Variants in ZIC4 observed in about 807,000 individuals in gnomAD.
ZIC4 encodes zinc finger protein ZIC 4.
Under a neutral mutation model 28.8 loss-of-function variants are expected in ZIC4, and 15 were observed. The observed-to-expected ratio is 0.52, with a 90% confidence interval of 0.35 to 0.80. The LOEUF is 0.80. ZIC4 is among the 30% of genes least tolerant of loss of function. The pLI is 0.01. For synonymous variants in ZIC4, 220 were observed against 198.1 expected (o/e 1.11, Z -0.93); for missense variants, 512 against 467.1 (o/e 1.10, Z -0.89).
chr3:147,404,910 G>C (rs1435156568), intron 1 of ZIC4, among the ~76,000 whole-genome samples: 1 of 152,208 alleles, frequency 6.6e-6, no homozygotes, highest in Non-Finnish European at 1.5e-5. Flanking sequence ...CGGCAGGCGC[G>C]GGAAAGGCAT....
At position 147,396,281 on chromosome 3, in the gene ZIC4, C is replaced by A; in HGVS notation, c.259G>T (p.Asp87Tyr). ...AGGGCTGCGGCAGCTGCCAGGGCGT[C>A]GCTGCGGGCCGCAGGCCCTGGCGGG... is the stretch of plus-strand genomic sequence containing the variant. ...PFPPGPAARS[D>Y]ALAAAAALHG... Residue 87 changes from aspartate to tyrosine, a missense_variant, in exon 3 of 5, where the codon GAC becomes TAC. By Grantham distance (160) the Asp-to-Tyr change is radical. Coordinates refer to ENST00000383075, the MANE Select transcript of ZIC4 (RefSeq NM_032153.6). The surrounding 1 kb of genome is among the most constrained non-coding windows in gnomAD (Gnocchi z 4.2). The A allele has an allele frequency of 6.2e-7, 1 of 1,608,994 alleles. No individual in the cohort carries two copies.
intron 1 of ZIC4, chr3:147,405,717 T>A (rs902190719): frequency 3.6e-6 from 2 of 555,910 alleles, no homozygotes; most frequent in Admixed American, 6.2e-5. Flanking sequence ...AGCAGTCAGC[T>A]TCCTGAGGCA....
intron 2 of ZIC4, among the ~76,000 whole-genome samples, chr3:147,398,424 AG>A (rs2087096290): frequency 7.4e-6 from 1 of 135,726 alleles, no homozygotes; most frequent in Non-Finnish European, 1.5e-5. Flanking sequence ...TTCCAGTGCT[AG>A]GGGGGCCACT....
intron 3 of ZIC4, among the ~76,000 whole-genome samples, chr3:147,395,366 A>T (rs1026826333): frequency 1.3e-5 from 2 of 152,108 alleles, no homozygotes; most frequent in African/African-American, 4.8e-5. Context: ...AAATACGTAC[A>T]AAGTTAGCCC....
chr3:147,393,580 C>G (rs993283256), intron 3 of ZIC4: 1 of 277,756 alleles, frequency 3.6e-6, no homozygotes, highest in East Asian at 1.2e-4. Flanking sequence ...GGCCTCCTCT[C>G]CGACCCTGAG....
At position 147,395,926 on chromosome 3, in the gene ZIC4, G is replaced by A; in HGVS notation, c.614C>T (p.Pro205Leu). ...IRVHTGEKPFPCPFPGCGKVF... is the reference protein window; with the variant it reads ...IRVHTGEKPFLCPFPGCGKVF... ...CTTCCCACACCCCGGGAAAGGACAA[G>A]GGAAGGGCTTCTCGCCCGTGTGCAC... The change falls in exon 3 of 5, where the codon CCT becomes CTT. Residue 205 changes from proline (P) to leucine (L), a missense_variant. Transcript: ENST00000383075. The A allele has an allele frequency of 6.2e-7, 1 of 1,614,250 alleles. No individual in the cohort carries two copies. Among genetic ancestry groups the A allele is most frequent in the East Asian group, 2.2e-5 (1 of 44,874 alleles).
chr3:147,404,043 G>A, intron 1 of ZIC4: 1 of 1,537,168 alleles, frequency 6.5e-7, no homozygotes, highest in East Asian at 2.4e-5. Context: ...GCTCCTTCCA[G>A]CACAAATCAG....
chr3:147,405,573 G>T, intron 1 of ZIC4: 1 of 1,241,718 alleles, frequency 8.1e-7, no homozygotes, highest in Non-Finnish European at 1.1e-6. Context: ...ATGCCCCTGG[G>T]TCTAGGCTAG....
chr3:147,404,107 T>C (rs1431959380), intron 1 of ZIC4: 2 of 1,535,702 alleles, frequency 1.3e-6, no homozygotes, highest in Non-Finnish European at 1.7e-6. Flanking sequence ...ATGCTGGGCG[T>C]CCTCGCTCTG....
chr3:147,405,799 G>A, intron 1 of ZIC4: 8 of 402,156 alleles, frequency 2.0e-5, no homozygotes, highest in South Asian at 5.2e-5. Flanking sequence ...AGGTTGGGGC[G>A]GAGAAGTTCC....
intron 4 of ZIC4, among the ~76,000 whole-genome samples, chr3:147,389,606 T>A (rs539253425): frequency 6.6e-6 from 1 of 152,118 alleles, no homozygotes; most frequent in African/African-American, 2.4e-5. Flanking sequence ...AAGGACCTGA[T>A]TTTTTTCCCT....
At position 147,399,102 on chromosome 3, in the gene ZIC4, A is replaced by T. The variant is rs1576462067; in HGVS notation, c.71-2633T>A. 3.9e-5 allele frequency among the ~76,000 whole-genome samples: 6 copies of T among 152,106 alleles called. No individual in the cohort carries two copies. In the East Asian group the frequency reaches 1.2e-3, roughly 29 times the overall value. ...ACTCCTCAGTATTTAAAAAAAAAAA[A>T]TTAGAGAAGAGTATTTGACTGCCAG... On this transcript the variant is annotated intron_variant, in intron 2 of 4. Coordinates refer to ENST00000383075, the MANE Select transcript of ZIC4 (RefSeq NM_032153.6).
At chr3:147,403,027 T>C (rs755567223) in intron 1 of ZIC4, among the ~76,000 whole-genome samples, 2 of 152,192 alleles carry the variant, frequency 1.3e-5, no homozygotes, top group Non-Finnish European at 2.9e-5. Context: ...GATAAAAACA[T>C]TGAAAAATTA....
intron 1 of ZIC4, among the ~76,000 whole-genome samples, chr3:147,403,172 T>A (rs1218115204): frequency 6.6e-6 from 1 of 152,208 alleles, no homozygotes; most frequent in East Asian, 1.9e-4. Flanking sequence ...CCTTATTATT[T>A]TTCAGAAGTT....
At chr3:147,404,393 G>T in intron 1 of ZIC4, 1 of 865,362 alleles carries the variant, frequency 1.2e-6, no homozygotes, top group East Asian at 5.5e-5. Flanking sequence ...GCTCTCTGTA[G>T]CGTTTCCATC....
At chr3:147,391,407 T>C in intron 3 of ZIC4, 161 bp from the exon 4 acceptor site, 1 of 904,660 alleles carries the variant, frequency 1.1e-6, no homozygotes, top group Non-Finnish European at 1.6e-6. Context: ...CTTTCCCTCG[T>C]GCAGAGAGCG....
chr3:147,393,649 G>T (rs532644294), intron 3 of ZIC4: 10 of 287,490 alleles, frequency 3.5e-5, no homozygotes, highest in African/African-American at 1.6e-4. Flanking sequence ...CCATTTTCTC[G>T]CACTTGTGGC....
intron 3 of ZIC4, 188 bp from the exon 4 acceptor site, chr3:147,391,434 T>C (rs2107965849): frequency 1.5e-6 from 1 of 660,926 alleles, no homozygotes. Context: ...GTGCCCTCTC[T>C]TGAACGCCTC....
chr3:147,403,975 G>A (rs763712467), intron 1 of ZIC4: 9 of 1,536,708 alleles, frequency 5.9e-6, no homozygotes, highest in Non-Finnish European at 7.8e-6. Flanking sequence ...TTTTCCCAGA[G>A]GGTATTATTA....
Sources: allele counts gnomAD v4.1 joint callset (sites outside exome capture counted in the v4.1 genomes callset), GRCh38; gene constraint gnomAD v4.1.1; non-coding constraint Gnocchi (gnomAD v3.1); transcripts MANE v1.5; gene names NCBI Gene and HGNC (gene_info 2026-07-23, HGNC 2026-07-21).